WDR36: variants seen among roughly 807,000 people sequenced by gnomAD.
WDR36 encodes WD repeat domain 36.
WDR36 carries 63 observed loss-of-function variants against 112.7 expected under a neutral mutation model. That is an observed-to-expected ratio of 0.56 (90% CI 0.46 to 0.69). The LOEUF is 0.69. WDR36 is among the 30% of genes least tolerant of loss of function. WDR36 has a pLI of 0.00. For synonymous variants in WDR36, 410 were observed against 362.2 expected (o/e 1.13, Z -1.50); for missense variants, 1,226 against 1,070.3 (o/e 1.15, Z -2.03).
rs1753736528 is a variant in WDR36 at position 111,129,224 on chromosome 5, T to C, written c.*2341T>C. The C allele has an allele frequency of 5.1e-6, 1 of 196,264 alleles. No homozygotes were observed. The highest frequency in any genetic ancestry group is 1.1e-5 in the Non-Finnish European group (1 of 94,528). The allele number at this position is 196,264 out of a possible 1,614,324, so 12.2% of individuals were successfully genotyped here. On this transcript the variant is annotated 3_prime_UTR_variant, in exon 23 of 23. Transcript: ENST00000513710. ...AAGGAACATCATCCTACATGAGCCC[T>C]TTTTGTACATATAAGGCTCTCTCTG...
chr5:111,111,746 T>G (rs530201594), intron 15 of WDR36, among the ~76,000 whole-genome samples: 1 of 151,988 alleles, frequency 6.6e-6, no homozygotes, highest in East Asian at 1.9e-4. Context: ...AAAAATGTGC[T>G]TAAGTTTACT....
chr5:111,101,667 G>T (rs973246260), intron 5 of WDR36, among the ~76,000 whole-genome samples: 3 of 151,626 alleles, frequency 2.0e-5, no homozygotes, highest in Admixed American at 1.3e-4. Context: ...CATCCAAATT[G>T]TTTTTTTCCA....
chr5:111,099,362 A>G (rs935418240), intron 4 of WDR36, among the ~76,000 whole-genome samples: 10 of 151,734 alleles, frequency 6.6e-5, no homozygotes, highest in Admixed American at 5.9e-4. Flanking sequence ...CCTTTCCTCA[A>G]TAAAATACTG....
chr5:111,120,531 G>A lies in WDR36; in HGVS notation c.1940G>A (p.Arg647Gln), dbSNP rs970423232. 6.2e-6 allele frequency: 10 copies of A among 1,612,630 alleles called. No individual in the cohort carries two copies. The highest frequency in any genetic ancestry group is 4.5e-5 in the East Asian group (2 of 44,750). The change falls in exon 18 of 23, where the codon CGG (arginine) becomes CAG (glutamine). Residue 647 changes from arginine to glutamine, a missense_variant. By Grantham distance (43) the Arg-to-Gln change is conservative (BLOSUM62 1). Transcript: ENST00000513710. ...TCCCTGTATTCAGTTGTTTCATTAC[G>A]GCCACTTCCTGCAGATTATGTCCCT... ...NISLYSVVSL[R>Q]PLPADYVPSI...
intron 3 of WDR36, among the ~76,000 whole-genome samples, chr5:111,097,550 C>G (rs141174501): frequency 6.6e-6 from 1 of 152,274 alleles, no homozygotes; most frequent in Non-Finnish European, 1.5e-5. Context: ...ATTTGCACCA[C>G]CACTTTATGT....
intron 19 of WDR36, among the ~76,000 whole-genome samples, chr5:111,123,111 A>G (rs1753601604): frequency 6.6e-6 from 1 of 152,124 alleles, no homozygotes; most frequent in Non-Finnish European, 1.5e-5. Context: ...TCCATCTCAA[A>G]AAAAAAAATG....
Position 111,092,482 on chromosome 5 carries a change from C to T in WDR36, c.26C>T (p.Thr9Met), listed in dbSNP as rs202177498. The change falls in exon 1 of 23, where the codon ACG becomes ATG. Residue 9 changes from threonine to methionine, a missense_variant. Coordinates refer to ENST00000513710, the MANE Select transcript of WDR36 (RefSeq NM_139281.3). MERASERR[T>M]ASALFAGFRA... The stretch of plus-strand genomic sequence containing the variant: ...ATGGAACGGGCCTCAGAAAGGCGCA[C>T]GGCCAGCGCGCTTTTTGCGGGGTTC... 4.3e-6 allele frequency: 7 copies of T among 1,614,102 alleles called. No individual in the cohort carries two copies. The Admixed American group carries it at 6.7e-5, about 15-fold the overall frequency.
chr5:111,098,921 C>A, intron 4 of WDR36, 82 bp downstream of exon 4: 1 of 1,026,494 alleles, frequency 9.7e-7, no homozygotes, highest in Non-Finnish European at 1.5e-6. Flanking sequence ...AACATCTATG[C>A]CAGAGATTTT....
rs2112577882 is a variant in WDR36 at position 111,110,198 on chromosome 5, A to G, written c.1336A>G (p.Ile446Val). ...KDDITATAVD[I>V]TSCGNFAVIG... ...GTTTTTTTTCTTAAAGGCAGTGGAT[A>G]TAACTTCTTGTGGAAACTTTGCTGT... The change falls in exon 13 of 23, where the codon ATA (isoleucine) becomes GTA (valine). Residue 446 changes from isoleucine to valine, a missense_variant. Coordinates refer to ENST00000513710, the MANE Select transcript of WDR36 (RefSeq NM_139281.3). The G allele has an allele frequency of 6.2e-7, 1 of 1,609,968 alleles. No individual in the cohort carries two copies. Among genetic ancestry groups the G allele is most frequent in the African/African-American group, 1.3e-5 (1 of 74,848 alleles).
chr5:111,111,168 A>G lies in WDR36; in HGVS notation c.1608-2A>G. ...TTAAAACTGGTGCATTTATCTTGCTAGTGGCATTCTGGGACTCGCCTTGGA... is the reference window on the plus strand; with the variant it reads ...TTAAAACTGGTGCATTTATCTTGCTGGTGGCATTCTGGGACTCGCCTTGGA... On this transcript the variant is annotated splice_acceptor_variant, in intron 14 of 22. Transcript: ENST00000513710. LOFTEE classifies it high-confidence loss of function. 1 of 1,611,156 alleles carries G rather than the reference A, an allele frequency of 6.2e-7. No individual in the cohort carries two copies. Among genetic ancestry groups the G allele is most frequent in the Non-Finnish European group, 8.5e-7 (1 of 1,177,636 alleles).
At chr5:111,093,516 G>C (rs1197838813) in intron 1 of WDR36, among the ~76,000 whole-genome samples, 1 of 152,198 alleles carries the variant, frequency 6.6e-6, no homozygotes, top group Non-Finnish European at 1.5e-5. Flanking sequence ...CTGAGGTGAA[G>C]AGCAATTGGG....
intron 16 of WDR36, among the ~76,000 whole-genome samples, chr5:111,114,134 CAGAGGAG>C (rs1561707454): frequency 6.6e-6 from 1 of 152,074 alleles, no homozygotes; most frequent in African/African-American, 2.4e-5. Flanking sequence ...GTGGTATGAA[CAGAGGAG>C]ACATACAGAA....
chr5:111,104,913 A>G, intron 9 of WDR36, 96 bp downstream of exon 9: 6 of 1,570,880 alleles, frequency 3.8e-6, no homozygotes, highest in Non-Finnish European at 5.2e-6. Context: ...TTAGATTCAC[A>G]TATCTCTTTG....
intron 21 of WDR36, among the ~76,000 whole-genome samples, chr5:111,124,617 A>T (rs1273885425): frequency 6.6e-6 from 1 of 152,190 alleles, no homozygotes; most frequent in Non-Finnish European, 1.5e-5. Context: ...TTATTTTATT[A>T]AAAAGGAAAT....
At chr5:111,113,047 TATATA>T in intron 15 of WDR36, 22 bp from the exon 16 acceptor site, 7 of 454,268 alleles carry the variant, frequency 1.5e-5, no homozygotes, top group South Asian at 4.6e-5. Flanking sequence ...TATATATATA[TATATA>T]TTTTTTTTTT....
intron 16 of WDR36, among the ~76,000 whole-genome samples, chr5:111,117,812 C>A (rs1339783802): frequency 6.6e-6 from 1 of 152,154 alleles, no homozygotes; most frequent in Non-Finnish European, 1.5e-5. Flanking sequence ...AATATATTGG[C>A]TTCAGAAAAG....
chr5:111,093,240 T>C (rs1158275824), intron 1 of WDR36, among the ~76,000 whole-genome samples: 1 of 152,350 alleles, frequency 6.6e-6, no homozygotes, highest in African/African-American at 2.4e-5. Context: ...GATGATTTTT[T>C]CTCCTATAAC....
chr5:111,100,489 A>T, intron 4 of WDR36, 100 bp from the exon 5 acceptor site: 1 of 776,604 alleles, frequency 1.3e-6, no homozygotes, highest in Non-Finnish European at 2.0e-6. Context: ...TAACATATAA[A>T]TCTTTGATGT....
At chr5:111,094,229 C>G (rs1372183393) in intron 1 of WDR36, among the ~76,000 whole-genome samples, 4 of 152,180 alleles carry the variant, frequency 2.6e-5, no homozygotes, top group Admixed American at 1.3e-4. Context: ...TGAGCAGTTA[C>G]TATATGACTG....
Sources: gnomAD v4.1 joint callset for allele counts (sites outside exome capture counted in the v4.1 genomes callset) on GRCh38, gnomAD v4.1.1 for gene constraint, MANE v1.5 for transcripts, NCBI Gene and HGNC (gene_info 2026-07-23, HGNC 2026-07-21) for gene names.